GLI3: variants seen among roughly 807,000 people sequenced by gnomAD.
GLI3 encodes the protein GLI family zinc finger 3.
A neutral mutation model predicts 100.8 loss-of-function variants in GLI3; 20 were observed. That is an observed-to-expected ratio of 0.20 (90% CI 0.14 to 0.29). The LOEUF (loss-of-function observed/expected upper bound fraction) is 0.29. Ranked by LOEUF, GLI3 falls within the 10% of genes least tolerant of loss-of-function variation. The pLI, the probability that GLI3 is intolerant of heterozygous loss-of-function variation, is 1.00. For missense variants in GLI3, 2,040 were observed against 2,128.5 expected (o/e 0.96, Z 0.82); for synonymous variants, 938 against 860.5 (o/e 1.09, Z -1.58).
At chr7:42,057,438 A>T (rs2128745723) in intron 4 of GLI3, among the ~76,000 whole-genome samples, 1 of 152,356 alleles carries the variant, frequency 6.6e-6, no homozygotes, top group Admixed American at 6.5e-5. Flanking sequence ...GGGTACTTGC[A>T]CAAATTCTTA....
intron 1 of GLI3, among the ~76,000 whole-genome samples, chr7:42,252,180 C>A (rs1261428010): frequency 6.8e-5 from 3 of 43,880 alleles, no homozygotes; most frequent in Non-Finnish European, 1.6e-4. Flanking sequence ...AGAATGAGAT[C>A]ACGTCTTGTG....
intron 3 of GLI3, 81 bp downstream of exon 3, chr7:42,148,145 A>G (rs1395272239): frequency 1.1e-4 from 123 of 1,071,608 alleles, no homozygotes; most frequent in African/African-American, 5.0e-4. Context: ...GCACACACAC[A>G]CACACACACA....
At position 42,235,721 on chromosome 7, in the gene GLI3, T is replaced by C. The variant is rs1291821443; in HGVS notation, c.-43+1250A>G. Among the ~76,000 whole-genome samples, 4 of 152,236 alleles carry C rather than the reference T, an allele frequency of 2.6e-5. No homozygotes were observed. In the East Asian group the frequency reaches 7.7e-4, roughly 29 times the overall value. On this transcript the variant is annotated intron_variant, in intron 1 of 14. Coordinates refer to ENST00000395925, the MANE Select transcript of GLI3 (RefSeq NM_000168.6). The stretch of plus-strand genomic sequence containing the variant: ...CCCGGCTAATGGCACTGCCATGTAT[T>C]TGCACAGCGGCCGGCCCTCCATACC...
intron 14 of GLI3, among the ~76,000 whole-genome samples, chr7:41,967,096 T>A (rs1583733387): frequency 6.6e-6 from 1 of 152,224 alleles, no homozygotes; most frequent in Admixed American, 6.5e-5. Context: ...TCATGCCACA[T>A]CCTACCAACA....
intron 2 of GLI3, among the ~76,000 whole-genome samples, chr7:42,153,272 C>G (rs1345081619): frequency 6.6e-6 from 1 of 152,144 alleles, no homozygotes; most frequent in Non-Finnish European, 1.5e-5. Context: ...TCAGAGCTTA[C>G]GTCCTATTTC....
Position 42,010,374 on chromosome 7 carries a change from G to A in GLI3, c.1497+13094C>T, listed in dbSNP as rs939067351. The stretch of plus-strand genomic sequence containing the variant: ...TTGGAGGTTCAAGTTAAGAAGTTAT[G>A]CTTCTTCTAAGTGTTGCTTCCAGCT... On this transcript the variant is annotated intron_variant, in intron 10 of 14. Coordinates refer to ENST00000395925, the MANE Select transcript of GLI3 (RefSeq NM_000168.6). Among the ~76,000 whole-genome samples, 3 of 152,204 alleles carry A rather than the reference G, an allele frequency of 2.0e-5. No individual in the cohort carries two copies. In the South Asian group the frequency reaches 6.2e-4, roughly 32 times the overall value.
chr7:42,116,848 T>C lies in GLI3; in HGVS notation c.367+31378A>G, dbSNP rs186522239. On this transcript the variant is annotated intron_variant, in intron 3 of 14. Coordinates refer to ENST00000395925, the MANE Select transcript of GLI3 (RefSeq NM_000168.6). ...AGGTCTCATAAGAGACCTCTTATTA[T>C]GGTCTCATAAGACCGAGGGTGTCCT... Among the ~76,000 whole-genome samples, 48 of 125,708 alleles carry C rather than the reference T, an allele frequency of 3.8e-4. No homozygotes were observed. The East Asian group carries it at 7.7e-3, about 20-fold the overall frequency. 82.5% of individuals were successfully genotyped at this position (125,708 alleles called of 152,430 possible).
intron 4 of GLI3, among the ~76,000 whole-genome samples, chr7:42,068,001 G>C (rs1286045236): frequency 6.6e-6 from 1 of 152,186 alleles, no homozygotes; most frequent in Admixed American, 6.5e-5. Context: ...ATTAGGTGAT[G>C]GGATTTTTAA....
At chr7:42,174,167 T>C (rs1055661986) in intron 2 of GLI3, among the ~76,000 whole-genome samples, 21 of 152,242 alleles carry the variant, frequency 1.4e-4, no homozygotes, top group African/African-American at 4.3e-4. Context: ...AATGTTATAA[T>C]TGAGAATTTC....
In GLI3 at chr7:41,965,445, C is replaced by A. The variant is rs1787139424; in HGVS notation, c.3628G>T (p.Ala1210Ser). The A allele has an allele frequency of 1.2e-6, 2 of 1,607,884 alleles. No individual in the cohort carries two copies. Among genetic ancestry groups the A allele is most frequent in the South Asian group, 2.2e-5 (2 of 91,004 alleles). Reference sequence around the variant, plus strand: ...TCCCCGAGGGTCTGATAGCCCCCAGCAGGCCCGCTCCTCAAGGGGTTCTGC... The same window carrying A: ...TCCCCGAGGGTCTGATAGCCCCCAGAAGGCCCGCTCCTCAAGGGGTTCTGC... ...HPQNPLRSGP[A>S]GGYQTLGENS... Residue 1210 changes from alanine to serine, a missense_variant, in exon 15 of 15, where the codon GCT becomes TCT. Physicochemically the swap from Ala to Ser is moderately conservative, Grantham distance 99. Around this residue, in one of 5 missense-constraint regions of GLI3, gnomAD observed 1,041 missense variants for 924.0 expected, o/e 1.13. Transcript: ENST00000395925.
rs1286173373 is a variant in GLI3, at chr7:41,961,984, A to G, written c.*2346T>C. 6.6e-6 allele frequency: 1 copy of G among 152,136 alleles called. No individual in the cohort carries two copies. The highest frequency in any genetic ancestry group is 1.5e-5 in the Non-Finnish European group (1 of 68,020). The allele number at this position is 152,136 out of a possible 1,614,324, so 9.4% of individuals were successfully genotyped here. A position where few individuals can be genotyped will look rare whatever the true frequency, so the allele number is the denominator to read the frequency against. On this transcript the variant is annotated 3_prime_UTR_variant, in exon 15 of 15. Coordinates refer to ENST00000395925, the MANE Select transcript of GLI3 (RefSeq NM_000168.6). ...GGAAAGCAAATATAAAAAAAAAAAGAAATAAAAGAAGAATAGGGGAAACCC... is the reference window on the plus strand; with the variant it reads ...GGAAAGCAAATATAAAAAAAAAAAGGAATAAAAGAAGAATAGGGGAAACCC...
chr7:42,009,566 T>C (rs1321187456), intron 10 of GLI3, among the ~76,000 whole-genome samples: 2 of 151,324 alleles, frequency 1.3e-5, no homozygotes, highest in African/African-American at 4.9e-5. Flanking sequence ...AGTCCTGACG[T>C]TGCCACTCAA....
intron 1 of GLI3, among the ~76,000 whole-genome samples, chr7:42,236,174 C>A (rs1788788678): frequency 6.6e-6 from 1 of 152,118 alleles, no homozygotes; most frequent in Non-Finnish European, 1.5e-5. Flanking sequence ...ACAAACTCTG[C>A]AAGTTTGGGA....
intron 6 of GLI3, 69 bp downstream of exon 6, chr7:42,045,315 C>T (rs1339649006): frequency 7.1e-7 from 1 of 1,402,516 alleles, no homozygotes; most frequent in East Asian, 2.3e-5. Flanking sequence ...ATCTTTGTAT[C>T]TTCTTCTCTG....
chr7:41,988,878 C>G (rs1037497686), intron 10 of GLI3, among the ~76,000 whole-genome samples: 1 of 152,190 alleles, frequency 6.6e-6, no homozygotes, highest in Non-Finnish European at 1.5e-5. Context: ...TAAGAGGCTT[C>G]TCTTACCATC....
intron 14 of GLI3, 88 bp downstream of exon 14, chr7:41,967,508 A>AAACTAGCAAACAT (rs1238941745): frequency 1.2e-5 from 11 of 914,764 alleles, no homozygotes; most frequent in Non-Finnish European, 1.8e-5. Context: ...ACTGGTGGAG[A>AAACTAGCAAACAT]AACTAGCAAA....
chr7:42,213,780 G>A (rs1788317733), intron 2 of GLI3, among the ~76,000 whole-genome samples: 1 of 152,202 alleles, frequency 6.6e-6, no homozygotes, highest in Non-Finnish European at 1.5e-5. Context: ...AGATGGCTGG[G>A]GACAGCCTAT....
At chr7:42,231,833 G>A (rs2128705830) in intron 1 of GLI3, among the ~76,000 whole-genome samples, 2 of 151,160 alleles carry the variant, frequency 1.3e-5, no homozygotes, top group East Asian at 3.9e-4. Flanking sequence ...GTCTCTCTTT[G>A]TACAAATCAA....
At chr7:42,245,073 A>C (rs1335700509) in intron 1 of GLI3, among the ~76,000 whole-genome samples, 2 of 152,206 alleles carry the variant, frequency 1.3e-5, no homozygotes, top group Non-Finnish European at 2.9e-5. Context: ...CTTGCTTTCC[A>C]GGAGCCTTCA....
Sources: allele counts gnomAD v4.1 joint callset (sites outside exome capture counted in the v4.1 genomes callset), GRCh38; gene constraint gnomAD v4.1.1; regional missense constraint gnomAD v4.1.1; transcripts MANE v1.5; gene names NCBI Gene and HGNC (gene_info 2026-07-23, HGNC 2026-07-21).